The following ATF3 variants were observed in gnomAD, a reference collection of about 807,000 sequenced individuals.
ATF3 encodes the protein activating transcription factor 3, also known as cyclic AMP-dependent transcription factor ATF-3.
ATF3 carries 10 observed loss-of-function variants against 18.4 expected under a neutral mutation model. The ratio of observed to expected loss-of-function variants is 0.54; its 90% CI spans 0.34 to 0.92. The LOEUF (loss-of-function observed/expected upper bound fraction) is 0.92. Among genes scored for constraint, ATF3 ranks in the 40% least tolerant of loss-of-function variants. ATF3 has a pLI of 0.02. For synonymous variants in ATF3, 78 were observed against 87.9 expected (o/e 0.89, Z 0.63); for missense variants, 183 against 222.3 (o/e 0.82, Z 1.12).
rs752725348 is a variant in ATF3, at chr1:212,615,109, G to A, written c.88G>A (p.Val30Met). The change falls in exon 2 of 4, where the codon GTG becomes ATG. Residue 30 changes from valine to methionine, a missense_variant. Coordinates refer to ENST00000341491, the MANE Select transcript of ATF3 (RefSeq NM_001674.4). ...CTGCCTGTCCCCTCCTGGGTCACTG[G>A]TGTTTGAGGATTTTGCTAACCTGAC... The part of the protein sequence containing the change: ...VPCLSPPGSL[V>M]FEDFANLTPF... 3 of 1,614,184 alleles carry A rather than the reference G, an allele frequency of 1.9e-6. No individual in the cohort carries two copies. Among genetic ancestry groups the A allele is most frequent in the East Asian group, 4.5e-5 (2 of 44,890 alleles).
At position 212,618,525 on chromosome 1, in the gene ATF3, T is replaced by C. The variant is rs1166221858; in HGVS notation, c.348+291T>C. 8 of 468,198 alleles carry C rather than the reference T, an allele frequency of 1.7e-5. No individual in the cohort carries two copies. The East Asian group carries it at 3.3e-4, about 19-fold the overall frequency. 29.0% of individuals were successfully genotyped at this position (468,198 alleles called of 1,614,324 possible). A position where few individuals can be genotyped will look rare whatever the true frequency, so the allele number is the denominator to read the frequency against. On this transcript the variant is annotated intron_variant, in intron 3 of 3. Transcript: ENST00000341491. The surrounding 1 kb of genome is among the most constrained non-coding windows in gnomAD (Gnocchi z 4.4). The stretch of plus-strand genomic sequence containing the variant: ...CCATCAGCTTCCAGGCTGCAGGACA[T>C]GCCAGCCCAGTTAAAGAGGCTTCAC...
At chr1:212,609,871 C>G (rs1450371297) in intron 1 of ATF3, among the ~76,000 whole-genome samples, 1 of 152,066 alleles carries the variant, frequency 6.6e-6, no homozygotes, top group Non-Finnish European at 1.5e-5. Flanking sequence ...AATAAGGGCA[C>G]ATGGGCAGTA....
chr1:212,586,599 CT>C (rs777889981), intron 1 of ATF3, among the ~76,000 whole-genome samples: 14 of 152,178 alleles, frequency 9.2e-5, no homozygotes, highest in African/African-American at 1.7e-4. Context: ...TGCCAAAGAA[CT>C]TCATTTGGTG....
chr1:212,576,790 T>C (rs1402058928), intron 1 of ATF3, among the ~76,000 whole-genome samples: 1 of 135,124 alleles, frequency 7.4e-6, no homozygotes. Context: ...TGCAATGGTG[T>C]GATCTCGGCT....
chr1:212,598,386 A>G (rs1654377673), intron 1 of ATF3, among the ~76,000 whole-genome samples: 1 of 152,190 alleles, frequency 6.6e-6, no homozygotes, highest in Non-Finnish European at 1.5e-5. Flanking sequence ...AGATACTTTG[A>G]TACAGGCATG....
Position 212,620,676 on chromosome 1 carries a change from A to G in ATF3, c.*1121A>G, listed in dbSNP as rs1571801716. On this transcript the variant is annotated 3_prime_UTR_variant, in exon 4 of 4. Transcript: ENST00000341491. Reference sequence around the variant, plus strand: ...TTCTCAGAGTGTTTAATTGTACTCAATGGTATCATTACAATTTTCTGTAAG... The same window carrying G: ...TTCTCAGAGTGTTTAATTGTACTCAGTGGTATCATTACAATTTTCTGTAAG... 1 of 152,596 alleles carries G rather than the reference A, an allele frequency of 6.6e-6. No homozygotes were observed. Among genetic ancestry groups the G allele is most frequent in the Non-Finnish European group, 1.5e-5 (1 of 68,034 alleles). The allele number at this position is 152,596 out of a possible 1,614,324, so 9.5% of individuals were successfully genotyped here. A position where few individuals can be genotyped will look rare whatever the true frequency, so the allele number is the denominator to read the frequency against.
At chr1:212,603,864 C>G (rs1432359636), upstream of ATF3, among the ~76,000 whole-genome samples, 1 of 151,548 alleles carries the variant, frequency 6.6e-6, no homozygotes, top group Non-Finnish European at 1.5e-5. Context: ...AGAAGAAAGA[C>G]CATATACCAT....
chr1:212,615,190 C>G lies in ATF3; in HGVS notation c.169C>G (p.Arg57Gly). ...FAIQNKHLCH[R>G]MSSALESVTV... ...CATCCAGAACAAGCACCTCTGCCACCGGATGTCCTCTGCGCTGGAATCAGT... is the reference window on the plus strand; with the variant it reads ...CATCCAGAACAAGCACCTCTGCCACGGGATGTCCTCTGCGCTGGAATCAGT... Residue 57 changes from arginine to glycine, a missense_variant, in exon 2 of 4, where the codon CGG (arginine) becomes GGG (glycine). Coordinates refer to ENST00000341491, the MANE Select transcript of ATF3 (RefSeq NM_001674.4). The G allele has an allele frequency of 6.2e-7, 1 of 1,614,180 alleles. No individual in the cohort carries two copies.
rs1159722621 is a variant in ATF3 at position 212,618,915 on chromosome 1, C to T, written c.349-443C>T. 1 of 1,207,200 alleles carries T rather than the reference C, an allele frequency of 8.3e-7. No homozygotes were observed. Among genetic ancestry groups the T allele is most frequent in the Non-Finnish European group, 1.2e-6 (1 of 838,346 alleles). 74.8% of individuals were successfully genotyped at this position (1,207,200 alleles called of 1,614,324 possible). A position where few individuals can be genotyped will look rare whatever the true frequency, so the allele number is the denominator to read the frequency against. On this transcript the variant is annotated intron_variant, in intron 3 of 3. Transcript: ENST00000341491. This position sits in a 1 kb window ranked among gnomAD's most constrained non-coding sequence, Gnocchi z 4.4. The stretch of plus-strand genomic sequence containing the variant: ...AGATCCCCAAAAGTTCTGTTGATTG[C>T]TTCAGGGGATCAGTGAAAATTAGGG...
At chr1:212,598,939 C>T (rs1405790388) in intron 1 of ATF3, among the ~76,000 whole-genome samples, 87 of 152,234 alleles carry the variant, frequency 5.7e-4, no homozygotes, top group Non-Finnish European at 8.8e-5. Flanking sequence ...GCAGATATCT[C>T]CTTGATATAC....
intron 1 of ATF3, among the ~76,000 whole-genome samples, chr1:212,593,563 T>C (rs1312731512): frequency 6.6e-6 from 1 of 151,348 alleles, no homozygotes; most frequent in Admixed American, 6.6e-5. Context: ...AGTGAGATCA[T>C]CTGTACTAAA....
At chr1:212,577,095 G>A (rs1267518512) in intron 1 of ATF3, among the ~76,000 whole-genome samples, 2 of 151,922 alleles carry the variant, frequency 1.3e-5, no homozygotes, top group Non-Finnish European at 2.9e-5. Context: ...TCTCTTCATC[G>A]TTGGATGCCT....
In ATF3 at chr1:212,618,302, A is replaced by G. The variant is rs11571549; in HGVS notation, c.348+68A>G. The G allele has an allele frequency of 1.1e-3, 1,721 of 1,508,820 alleles. 36 individuals are homozygous for G. In the South Asian group the frequency reaches 0.018, roughly 16 times the overall value. 93.5% of individuals were successfully genotyped at this position (1,508,820 alleles called of 1,614,324 possible). On this transcript the variant is annotated intron_variant, in intron 3 of 3. Coordinates refer to ENST00000341491, the MANE Select transcript of ATF3 (RefSeq NM_001674.4). This position sits in a 1 kb window ranked among gnomAD's most constrained non-coding sequence, Gnocchi z 4.4. ...TCTTCACCAGCTTCATGTGGCTATCAGAAGAAGAGTTAGAAAACCCCCTAC... is the reference window on the plus strand; with the variant it reads ...TCTTCACCAGCTTCATGTGGCTATCGGAAGAAGAGTTAGAAAACCCCCTAC...
At chr1:212,580,647 G>A (rs1302074238) in intron 1 of ATF3, among the ~76,000 whole-genome samples, 1 of 152,144 alleles carries the variant, frequency 6.6e-6, no homozygotes, top group East Asian at 1.9e-4. Context: ...TCTTCACTCT[G>A]TGTTCACTAC....
intron 1 of ATF3, among the ~76,000 whole-genome samples, chr1:212,614,455 T>C (rs1379792463): frequency 6.6e-6 from 1 of 152,168 alleles, no homozygotes; most frequent in Non-Finnish European, 1.5e-5. Flanking sequence ...GCTTCAGAGA[T>C]GTATTTGCTA....
At chr1:212,583,820 TCA>T (rs978013420) in intron 1 of ATF3, among the ~76,000 whole-genome samples, 3 of 152,198 alleles carry the variant, frequency 2.0e-5, no homozygotes, top group Non-Finnish European at 2.9e-5. Context: ...CCGCTGGGCA[TCA>T]GTTTCCTTTT....
chr1:212,601,898 C>G (rs1409819463), intron 1 of ATF3, among the ~76,000 whole-genome samples: 2 of 152,110 alleles, frequency 1.3e-5, no homozygotes, highest in African/African-American at 4.8e-5. Flanking sequence ...TTGAATGTCA[C>G]TTTTGAGGGT....
intron 1 of ATF3, among the ~76,000 whole-genome samples, chr1:212,579,910 C>T (rs768716167): frequency 5.3e-5 from 8 of 151,622 alleles, no homozygotes; most frequent in African/African-American, 9.7e-5. Context: ...TTTGGGAGGC[C>T]GAGGCAGGTG....
intron 1 of ATF3, among the ~76,000 whole-genome samples, chr1:212,611,777 A>T (rs72756373): frequency 1.3e-4 from 20 of 152,394 alleles, no homozygotes; most frequent in Non-Finnish European, 2.6e-4. Flanking sequence ...AAAGGAATAC[A>T]TGAGTAAACT....
Sources: gnomAD v4.1 joint callset for allele counts (sites outside exome capture counted in the v4.1 genomes callset) on GRCh38, gnomAD v4.1.1 for gene constraint, Gnocchi (gnomAD v3.1) non-coding constraint, MANE v1.5 for transcripts, NCBI Gene and HGNC (gene_info 2026-07-23, HGNC 2026-07-21) for gene names.